Variants in EEA1 observed in about 807,000 individuals in gnomAD.
EEA1 encodes the protein early endosome antigen 1, 162kD.
In EEA1, 111 loss-of-function variants were observed where a neutral mutation model predicts 209.2. The ratio of observed to expected loss-of-function variants is 0.53; its 90% CI spans 0.45 to 0.62. The LOEUF (loss-of-function observed/expected upper bound fraction) is 0.62, where lower values mean the gene tolerates loss of function less well. Ranked by LOEUF, EEA1 falls within the 20% of genes least tolerant of loss-of-function variation. The probability of loss-of-function intolerance (pLI) is 0.00; values close to 1 mark genes in which losing one functional copy is unlikely to be tolerated. For synonymous variants in EEA1, 536 were observed against 540.6 expected (o/e 0.99, Z 0.12); for missense variants, 1,343 against 1,530.8 (o/e 0.88, Z 2.05).
chr12:92,887,619 GC>G (rs1879469420), intron 2 of EEA1, among the ~76,000 whole-genome samples: 1 of 151,918 alleles, frequency 6.6e-6, no homozygotes, highest in Non-Finnish European at 1.5e-5. Flanking sequence ...CCACGCTCCA[GC>G]CCAGGCAATA....
At chr12:92,823,387 A>C (rs1876152016) in intron 13 of EEA1, among the ~76,000 whole-genome samples, 1 of 152,242 alleles carries the variant, frequency 6.6e-6, no homozygotes, top group Non-Finnish European at 1.5e-5. Flanking sequence ...AGTTTAGTTC[A>C]CACTAGCTTC....
At position 92,828,073 on chromosome 12, in the gene EEA1, GA is replaced by G. The variant is rs570480496; in HGVS notation, c.1255-13del. 101 of 1,524,878 alleles carry G rather than the reference GA, an allele frequency of 6.6e-5. No homozygotes were observed. The highest frequency in any genetic ancestry group is 3.7e-4 in the African/African-American group (26 of 69,966). 94.5% of individuals were successfully genotyped at this position (1,524,878 alleles called of 1,614,324 possible). On this transcript the variant is annotated splice_polypyrimidine_tract_variant and intron_variant, in intron 11 of 28. Transcript: ENST00000322349. ...AGTTTGCTATGTAACTTTAAAAAAA[GA>G]AAAAAAAATGTATGTACATATGTAC...
chr12:92,792,293 T>TA (rs1320687621), intron 21 of EEA1, among the ~76,000 whole-genome samples: 2 of 150,654 alleles, frequency 1.3e-5, no homozygotes, highest in African/African-American at 2.4e-5. Flanking sequence ...ATGAAGGAGA[T>TA]AGAGACACAA....
At chr12:92,915,198 G>C (rs1430249166) in intron 1 of EEA1, among the ~76,000 whole-genome samples, 1 of 152,168 alleles carries the variant, frequency 6.6e-6, no homozygotes, top group African/African-American at 2.4e-5. Context: ...CAGGCACAGT[G>C]GTTTGTGCAT....
intron 1 of EEA1, among the ~76,000 whole-genome samples, chr12:92,927,487 G>T (rs1881255275): frequency 2.0e-5 from 3 of 152,202 alleles, no homozygotes; most frequent in African/African-American, 7.2e-5. Flanking sequence ...TAATCTCGAT[G>T]TTTAACTTTA....
intron 9 of EEA1, among the ~76,000 whole-genome samples, chr12:92,844,438 ATG>A (rs1426033193): frequency 6.6e-6 from 1 of 152,180 alleles, no homozygotes; most frequent in East Asian, 1.9e-4. Flanking sequence ...TCAGTATCAT[ATG>A]TAACAGCTGA....
chr12:92,914,665 A>AT (rs1275187896), intron 1 of EEA1, among the ~76,000 whole-genome samples: 2,429 of 140,866 alleles, frequency 0.017, 26 homozygotes, highest in African/African-American at 0.04. Flanking sequence ...TGTCTCTACA[A>AT]TTTTTTTTTT....
chr12:92,809,251 T>C (rs1173769674), intron 17 of EEA1, 95 bp from the exon 18 acceptor site: 4 of 945,122 alleles, frequency 4.2e-6, no homozygotes. Flanking sequence ...TTCAAACAGG[T>C]GTGACATACA....
At chr12:92,798,509 A>G (rs779498639) in intron 21 of EEA1, among the ~76,000 whole-genome samples, 1 of 151,966 alleles carries the variant, frequency 6.6e-6, no homozygotes, top group Non-Finnish European at 1.5e-5. Context: ...TTTAGTAGAG[A>G]CGGGGTTTCA....
chr12:92,885,931 G>C (rs1166672972), intron 2 of EEA1, among the ~76,000 whole-genome samples: 1 of 151,918 alleles, frequency 6.6e-6, no homozygotes, highest in Non-Finnish European at 1.5e-5. Flanking sequence ...GTTTCCACTA[G>C]AAAAGTTCCA....
At chr12:92,825,439 G>A (rs1876249322) in intron 13 of EEA1, among the ~76,000 whole-genome samples, 1 of 144,748 alleles carries the variant, frequency 6.9e-6, no homozygotes, top group Non-Finnish European at 1.5e-5. Context: ...CAGCCTGGGC[G>A]AAAGAGCAAC....
At chr12:92,864,231 T>C (rs1002031166) in intron 3 of EEA1, among the ~76,000 whole-genome samples, 9 of 152,194 alleles carry the variant, frequency 5.9e-5, no homozygotes, top group Admixed American at 3.3e-4. Context: ...CAGTAAGTTT[T>C]TTTTTAGGAA....
At chr12:92,867,406 T>C (rs73364407) in intron 2 of EEA1, among the ~76,000 whole-genome samples, 2,584 of 152,280 alleles carry the variant, frequency 0.017, 32 homozygotes, top group East Asian at 0.039. Flanking sequence ...TATATTTTTC[T>C]ATATTGTATA....
intron 26 of EEA1, 26 bp from the exon 27 acceptor site, chr12:92,777,689 T>C (rs370808191): frequency 6.2e-7 from 1 of 1,601,054 alleles, no homozygotes; most frequent in African/African-American, 1.3e-5. Flanking sequence ...AAGAGGTAAT[T>C]AATTTTTTAG....
intron 21 of EEA1, among the ~76,000 whole-genome samples, chr12:92,798,542 G>A (rs181911535): frequency 6.6e-6 from 1 of 151,912 alleles, no homozygotes; most frequent in Non-Finnish European, 1.5e-5. Context: ...GGCTGGTCTT[G>A]AACTCCTGAC....
At chr12:92,822,362 T>A (rs542417930) in intron 13 of EEA1, among the ~76,000 whole-genome samples, 1 of 152,316 alleles carries the variant, frequency 6.6e-6, no homozygotes, top group Non-Finnish European at 1.5e-5. Context: ...AATTCCCTCA[T>A]CTCTCATTTA....
intron 1 of EEA1, among the ~76,000 whole-genome samples, chr12:92,892,193 C>T (rs953822638): frequency 3.3e-5 from 5 of 152,044 alleles, no homozygotes; most frequent in Admixed American, 6.6e-5. Context: ...CAGGCTCAAG[C>T]GATCCTCCTA....
At chr12:92,910,060 T>G (rs1880520446) in intron 1 of EEA1, among the ~76,000 whole-genome samples, 1 of 152,080 alleles carries the variant, frequency 6.6e-6, no homozygotes, top group South Asian at 2.1e-4. Context: ...GAAGAATCAC[T>G]TGAACCCAAA....
intron 11 of EEA1, among the ~76,000 whole-genome samples, chr12:92,829,425 T>G (rs1007902445): frequency 3.9e-5 from 6 of 152,214 alleles, no homozygotes; most frequent in African/African-American, 1.2e-4. Flanking sequence ...TCAGTTTCCT[T>G]CCACTATGAA....
Sources: gnomAD v4.1 joint callset for allele counts (sites outside exome capture counted in the v4.1 genomes callset) on GRCh38, gnomAD v4.1.1 for gene constraint, MANE v1.5 for transcripts, NCBI Gene and HGNC (gene_info 2026-07-23, HGNC 2026-07-21) for gene names.